Variants in SMOC2 observed in about 807,000 individuals in gnomAD.
The protein encoded by SMOC2 is SPARC related modular calcium binding 2.
In SMOC2, 39 loss-of-function variants were observed where a neutral mutation model predicts 61.4. The ratio of observed to expected loss-of-function variants is 0.64; its 90% confidence interval spans 0.49 to 0.83. The LOEUF (loss-of-function observed/expected upper bound fraction) is 0.83. SMOC2 is among the 40% of genes least tolerant of loss of function. The pLI, the probability that SMOC2 is intolerant of heterozygous loss-of-function variation, is 0.00. For synonymous variants in SMOC2, 247 were observed against 239.9 expected, an observed-to-expected ratio of 1.03 and a Z score of -0.27; for missense variants, 556 against 592.9, an observed-to-expected ratio of 0.94 and a Z score of 0.65.
intron 9 of SMOC2, among the ~76,000 whole-genome samples, chr6:168,646,373 A>G (rs746753704): frequency 1.3e-5 from 2 of 152,136 alleles, no homozygotes; most frequent in Non-Finnish European, 2.9e-5. Flanking sequence ...CCTGTGTTTG[A>G]GTTCCTTCAG....
At chr6:168,612,263 C>T (rs1008366856) in intron 9 of SMOC2, among the ~76,000 whole-genome samples, 1 of 133,590 alleles carries the variant, frequency 7.5e-6, no homozygotes, top group Non-Finnish European at 1.6e-5. Flanking sequence ...GCGCTGGGTT[C>T]GTGATCTCCA....
At chr6:168,647,926 T>C (rs1362445011) in intron 9 of SMOC2, among the ~76,000 whole-genome samples, 1 of 152,206 alleles carries the variant, frequency 6.6e-6, no homozygotes, top group Non-Finnish European at 1.5e-5. Flanking sequence ...ATGCTTTTTA[T>C]GTTCAGTTTT....
At chr6:168,517,425 A>G (rs1459444124) in intron 2 of SMOC2, among the ~76,000 whole-genome samples, 4 of 152,234 alleles carry the variant, frequency 2.6e-5, no homozygotes, top group Non-Finnish European at 5.9e-5. Flanking sequence ...GAGGAAAGCC[A>G]GGCGGCTTCA....
intron 8 of SMOC2, among the ~76,000 whole-genome samples, chr6:168,607,383 G>A (rs2115201451): frequency 6.6e-6 from 1 of 152,276 alleles, no homozygotes; most frequent in South Asian, 2.1e-4. Context: ...GTGTTTATGA[G>A]CTGTTTACCG....
rs1349210636 is a variant in SMOC2, at chr6:168,650,788, G to A, written c.1010+5G>A. 6.8e-6 allele frequency: 11 copies of A among 1,607,268 alleles called. No homozygotes were observed. The highest frequency in any genetic ancestry group is 2.2e-5 in the East Asian group (1 of 44,776). On this transcript the variant is annotated splice_donor_5th_base_variant and intron_variant, in intron 10 of 12. Transcript: ENST00000356284. ...CCCCTCCTCCTCGTCAGGCAGGTAC[G>A]CTGTGTTCGCCGTGGGACAACAAGT...
intron 4 of SMOC2, among the ~76,000 whole-genome samples, chr6:168,537,293 CCGGTCCTATTTAGAGA>C (rs1783755593): frequency 6.6e-6 from 1 of 152,186 alleles, no homozygotes; most frequent in Admixed American, 6.5e-5. Flanking sequence ...TAGCTGAAAG[CCGGTCCTATTTAGAGA>C]GAGCAGCGTC....
At chr6:168,447,564 C>T (rs1043659875) in intron 1 of SMOC2, among the ~76,000 whole-genome samples, 25 of 152,168 alleles carry the variant, frequency 1.6e-4, no homozygotes, top group Non-Finnish European at 3.2e-4. Flanking sequence ...CCTATCCCTG[C>T]CCTAGCCCCC....
chr6:168,661,149 A>G (rs1372575717), intron 11 of SMOC2, among the ~76,000 whole-genome samples: 1 of 151,942 alleles, frequency 6.6e-6, no homozygotes, highest in East Asian at 1.9e-4. Flanking sequence ...ATTCATTATC[A>G]GTTATATGTT....
At chr6:168,661,045 G>T (rs1787495905) in intron 11 of SMOC2, among the ~76,000 whole-genome samples, 1 of 152,074 alleles carries the variant, frequency 6.6e-6, no homozygotes, top group Admixed American at 6.5e-5. Flanking sequence ...TTTGGTCATG[G>T]TCAAAAATGA....
At chr6:168,473,009 TC>T (rs1296415363) in intron 1 of SMOC2, among the ~76,000 whole-genome samples, 1 of 152,108 alleles carries the variant, frequency 6.6e-6, no homozygotes, top group African/African-American at 2.4e-5. Flanking sequence ...TCTTCCACTG[TC>T]CCCTGGCCAT....
In SMOC2 at chr6:168,488,282, C is replaced by A. The variant is rs548950952; in HGVS notation, c.85-21633C>A. 1.9e-3 allele frequency among the ~76,000 whole-genome samples: 297 copies of A among 152,358 alleles called. 1 individual carries two copies. Among genetic ancestry groups the A allele is most frequent in the Non-Finnish European group, 3.1e-3 (214 of 68,040 alleles). ...GTCTGCTCCCATGGCCGCTTCCCCC[C>A]ATGTCTTCACATTGTCTTCCCTCTC... On this transcript the variant is annotated intron_variant, in intron 1 of 12. Coordinates refer to ENST00000356284, the MANE Select transcript of SMOC2 (RefSeq NM_001166412.2).
intron 2 of SMOC2, among the ~76,000 whole-genome samples, chr6:168,519,806 G>T (rs1238894863): frequency 1.3e-5 from 2 of 152,126 alleles, no homozygotes; most frequent in East Asian, 3.9e-4. Flanking sequence ...ATAGAGATGG[G>T]CATGATCTGT....
chr6:168,527,682 C>T lies in SMOC2; in HGVS notation c.418C>T (p.Pro140Ser). ...YCWCVTPNGR[P>S]ISGTAVAHKT... ...CTGGTGCGTCACGCCCAACGGGAGG[C>T]CCATCAGCGGCACTGCCGTGGCCCA... is the stretch of plus-strand genomic sequence containing the variant. Residue 140 changes from proline (P) to serine (S), a missense_variant, in exon 4 of 13, where the codon CCC (proline) becomes TCC (serine). Pro to Ser is a moderately conservative substitution (Grantham distance 74). Transcript: ENST00000356284. 1 of 1,552,508 alleles carries T rather than the reference C, an allele frequency of 6.4e-7. No individual in the cohort carries two copies.
intron 1 of SMOC2, among the ~76,000 whole-genome samples, chr6:168,454,497 A>G (rs751204348): frequency 2.6e-5 from 4 of 151,978 alleles, no homozygotes; most frequent in Non-Finnish European, 5.9e-5. Context: ...ACGTGCCCCC[A>G]ACTCATCTCC....
In SMOC2 at chr6:168,647,105, G is replaced by A. The variant is rs1005066025; in HGVS notation, c.908-3576G>A. 3.9e-5 allele frequency among the ~76,000 whole-genome samples: 6 copies of A among 152,212 alleles called. No homozygotes were observed. The East Asian group carries it at 7.7e-4, about 20-fold the overall frequency. ...AGTGTGTATGGGGTAGCACCTTCGT[G>A]CTATGCCTCTGTTGACCTGAGACTT... On this transcript the variant is annotated intron_variant, in intron 9 of 12. Transcript: ENST00000356284.
At chr6:168,524,988 C>T (rs1280780460) in intron 2 of SMOC2, among the ~76,000 whole-genome samples, 1 of 152,192 alleles carries the variant, frequency 6.6e-6, no homozygotes, top group Non-Finnish European at 1.5e-5. Flanking sequence ...ACTTTAACCA[C>T]GAGGGAGTCA....
At chr6:168,621,326 AGAG>A (rs1043025980) in intron 9 of SMOC2, among the ~76,000 whole-genome samples, 1 of 152,198 alleles carries the variant, frequency 6.6e-6, no homozygotes, top group African/African-American at 2.4e-5. Flanking sequence ...CCTTATTTCC[AGAG>A]GAGAATAGTA....
At chr6:168,645,894 C>A (rs1320138880) in intron 9 of SMOC2, among the ~76,000 whole-genome samples, 1 of 152,204 alleles carries the variant, frequency 6.6e-6, no homozygotes, top group African/African-American at 2.4e-5. Context: ...AATGATTGGA[C>A]TTCCAAGCCA....
chr6:168,456,246 G>T (rs77088917), intron 1 of SMOC2, among the ~76,000 whole-genome samples: 5,646 of 152,372 alleles, frequency 0.037, 162 homozygotes, highest in South Asian at 0.13. Flanking sequence ...CAGCCTGGCT[G>T]TCGCCGTTTA....
Sources: allele counts gnomAD v4.1 joint callset (sites outside exome capture counted in the v4.1 genomes callset), GRCh38; gene constraint gnomAD v4.1.1; transcripts MANE v1.5; gene names NCBI Gene and HGNC (gene_info 2026-07-23, HGNC 2026-07-21).